The following TMEM178B variants were observed in gnomAD, a reference collection of about 807,000 sequenced individuals.
The protein encoded by TMEM178B is transmembrane protein 178B.
In TMEM178B, 5 loss-of-function variants were observed where a neutral mutation model predicts 31.0. The observed-to-expected ratio is 0.16, with a 90% CI of 0.08 to 0.34. The LOEUF is 0.34. Among genes scored for constraint, TMEM178B ranks in the 10% least tolerant of loss-of-function variants. TMEM178B has a pLI of 1.00. For synonymous variants in TMEM178B, 164 were observed against 164.0 expected, an observed-to-expected ratio of 1.00 and a Z score of 0.00; for missense variants, 275 against 400.3, an observed-to-expected ratio of 0.69 and a Z score of 2.67.
At chr7:141,100,526 C>G (rs1004495955) in intron 1 of TMEM178B, among the ~76,000 whole-genome samples, 1 of 152,196 alleles carries the variant, frequency 6.6e-6, no homozygotes, top group African/African-American at 2.4e-5. Context: ...CTGATTCAGT[C>G]TGGCTCCCTA....
chr7:141,442,553 G>A (rs1022263263), intron 3 of TMEM178B, among the ~76,000 whole-genome samples: 1 of 152,026 alleles, frequency 6.6e-6, no homozygotes, highest in Non-Finnish European at 1.5e-5. Context: ...CCCTAAAGTC[G>A]GGTCACTCCT....
At chr7:141,453,805 GT>G in intron 3 of TMEM178B, among the ~76,000 whole-genome samples, 1 of 152,022 alleles carries the variant, frequency 6.6e-6, no homozygotes, top group East Asian at 1.9e-4. Context: ...AGTATGCCAA[GT>G]CTTTATTTAT....
intron 1 of TMEM178B, among the ~76,000 whole-genome samples, chr7:141,089,029 G>A (rs1794834609): frequency 6.6e-6 from 1 of 152,152 alleles, no homozygotes; most frequent in African/African-American, 2.4e-5. Flanking sequence ...TATGGCCCAT[G>A]CATTATATCC....
At chr7:141,169,258 A>G (rs1032705768) in intron 1 of TMEM178B, among the ~76,000 whole-genome samples, 5 of 152,150 alleles carry the variant, frequency 3.3e-5, no homozygotes, top group Non-Finnish European at 7.4e-5. Flanking sequence ...ATGTATTCTC[A>G]TCACTTAGCT....
Position 141,212,868 on chromosome 7 carries a change from T to G in TMEM178B, c.496+164T>G, listed in dbSNP as rs967042788. The stretch of plus-strand genomic sequence containing the variant: ...TTTGGGTTAGAATTGCCTCAGTTGG[T>G]TTTGATTGCATTATAAATTTGGGGA... On this transcript the variant is annotated intron_variant, in intron 2 of 3. Transcript: ENST00000565468. 20 of 553,102 alleles carry G rather than the reference T, an allele frequency of 3.6e-5. No individual in the cohort carries two copies. In the South Asian group the frequency reaches 6.3e-4, roughly 17 times the overall value. 34.3% of individuals were successfully genotyped at this position (553,102 alleles called of 1,614,324 possible). A position where few individuals can be genotyped will look rare whatever the true frequency, so the allele number is the denominator to read the frequency against.
chr7:141,361,960 A>G (rs565913027), intron 2 of TMEM178B, among the ~76,000 whole-genome samples: 17 of 152,212 alleles, frequency 1.1e-4, no homozygotes, highest in Non-Finnish European at 2.4e-4. Flanking sequence ...TCTTTGTGAC[A>G]CTTTCAAACT....
intron 1 of TMEM178B, among the ~76,000 whole-genome samples, chr7:141,091,022 G>A (rs1794871898): frequency 6.6e-6 from 1 of 152,174 alleles, no homozygotes. Context: ...TATAGATATG[G>A]CTGCATTGCT....
At chr7:141,429,679 A>C (rs1048053438) in intron 2 of TMEM178B, 1 of 152,240 alleles carries the variant, frequency 6.6e-6, no homozygotes, top group Non-Finnish European at 1.5e-5. Flanking sequence ...TGAAAAATAC[A>C]TAAAGAGTAG....
chr7:141,404,408 G>A (rs539759502), intron 2 of TMEM178B, among the ~76,000 whole-genome samples: 5 of 152,288 alleles, frequency 3.3e-5, no homozygotes, highest in Admixed American at 6.5e-5. Flanking sequence ...TGGCAAAGCC[G>A]TGCTCTCCCC....
At chr7:141,264,832 T>C (rs534885682) in intron 2 of TMEM178B, among the ~76,000 whole-genome samples, 3 of 152,190 alleles carry the variant, frequency 2.0e-5, no homozygotes, top group Non-Finnish European at 4.4e-5. Context: ...CCAAGTTGCA[T>C]GGGAGGAAAT....
intron 1 of TMEM178B, among the ~76,000 whole-genome samples, chr7:141,154,742 T>C (rs1796038113): frequency 6.6e-6 from 1 of 151,930 alleles, no homozygotes; most frequent in Admixed American, 6.6e-5. Flanking sequence ...TTTTTTTTTT[T>C]TTTTTGAGGC....
intron 2 of TMEM178B, among the ~76,000 whole-genome samples, chr7:141,288,204 T>G (rs979379653): frequency 6.6e-6 from 1 of 151,984 alleles, no homozygotes; most frequent in Non-Finnish European, 1.5e-5. Flanking sequence ...TCTTTTTTTT[T>G]TTCCCCCTCT....
At position 141,204,981 on chromosome 7, in the gene TMEM178B, C is replaced by T. The variant is rs557214426; in HGVS notation, c.383-7610C>T. 1.1e-4 allele frequency among the ~76,000 whole-genome samples: 16 copies of T among 152,198 alleles called. No homozygotes were observed. The East Asian group carries it at 2.1e-3, about 20-fold the overall frequency. On this transcript the variant is annotated intron_variant, in intron 1 of 3. Transcript: ENST00000565468. ...GACCACAGGTGTGCAACACCACACT[C>T]GGCTAATTTTTAAAAGTTTTTTTTT...
intron 2 of TMEM178B, among the ~76,000 whole-genome samples, chr7:141,383,840 T>TA (rs1421118523): frequency 2.0e-5 from 3 of 152,112 alleles, no homozygotes; most frequent in South Asian, 4.1e-4. Flanking sequence ...ATCAACAGAG[T>TA]AAAAGTGTTC....
intron 2 of TMEM178B, among the ~76,000 whole-genome samples, chr7:141,265,774 T>C (rs1001125641): frequency 9.8e-5 from 15 of 152,332 alleles, no homozygotes; most frequent in African/African-American, 3.6e-4. Context: ...CACTTGACAT[T>C]TGTAGTTTAA....
At chr7:141,262,735 G>T (rs1399915957) in intron 2 of TMEM178B, among the ~76,000 whole-genome samples, 1 of 152,048 alleles carries the variant, frequency 6.6e-6, no homozygotes, top group African/African-American at 2.4e-5. Context: ...GCAATTTAAA[G>T]GAAAGCCAAA....
intron 1 of TMEM178B, among the ~76,000 whole-genome samples, chr7:141,127,610 C>T (rs1795520939): frequency 6.6e-6 from 1 of 152,202 alleles, no homozygotes; most frequent in Non-Finnish European, 1.5e-5. Flanking sequence ...CCCCTACAGC[C>T]TCTGGAAGGA....
intron 1 of TMEM178B, among the ~76,000 whole-genome samples, chr7:141,201,833 G>A (rs538097554): frequency 6.6e-6 from 1 of 152,330 alleles, no homozygotes; most frequent in South Asian, 2.1e-4. Context: ...GAGCAGTAGA[G>A]TCTGTAGGTG....
At chr7:141,497,349 G>A in the TMEM178B span, among the ~76,000 whole-genome samples, 1 of 152,214 alleles carries the variant, frequency 6.6e-6, no homozygotes, top group Non-Finnish European at 1.5e-5. Flanking sequence ...CCTCCTGCCT[G>A]TTGAAGCAAT....
Sources: allele counts gnomAD v4.1 joint callset (sites outside exome capture counted in the v4.1 genomes callset), GRCh38; gene constraint gnomAD v4.1.1; transcripts MANE v1.5; gene names NCBI Gene and HGNC (gene_info 2026-07-23, HGNC 2026-07-21).